Variants in CFAP20 observed in about 807,000 individuals in gnomAD.
The protein encoded by CFAP20 is cilia and flagella associated protein 20, also known as cilia- and flagella-associated protein 20.
CFAP20 carries 14 observed loss-of-function variants against 25.5 expected under a neutral mutation model. That is an observed-to-expected ratio of 0.55 (90% CI 0.36 to 0.86). The LOEUF (loss-of-function observed/expected upper bound fraction) is 0.86. Ranked by LOEUF, CFAP20 falls within the 40% of genes least tolerant of loss-of-function variation. CFAP20 has a pLI of 0.01. For synonymous variants in CFAP20, 75 were observed against 91.1 expected (o/e 0.82, Z 1.01); for missense variants, 181 against 248.0 (o/e 0.73, Z 1.81).
At chr16:58,121,374 C>G (rs934102422) in intron 1 of CFAP20, among the ~76,000 whole-genome samples, 4 of 152,196 alleles carry the variant, frequency 2.6e-5, no homozygotes, top group Non-Finnish European at 5.9e-5. Context: ...GCATTTATTG[C>G]TCATGGCGGA....
At position 58,129,184 on chromosome 16, in the gene CFAP20, A is replaced by G. The variant is rs1166027240; in HGVS notation, c.-69T>C. ...GGCCCCGGAGTAGATACAGGCACCG[A>G]GCGTCGAGGGCACAGCAGCAGGCCG... On this transcript the variant is annotated 5_prime_UTR_variant, in exon 1 of 6. Transcript: ENST00000262498. 7 of 1,542,256 alleles carry G rather than the reference A, an allele frequency of 4.5e-6. No homozygotes were observed. The East Asian group carries it at 1.6e-4, about 36-fold the overall frequency.
intron 1 of CFAP20, among the ~76,000 whole-genome samples, chr16:58,127,713 T>A (rs1261124475): frequency 6.6e-6 from 1 of 152,240 alleles, no homozygotes; most frequent in East Asian, 1.9e-4. Context: ...AGAGAAGAGA[T>A]GGGCAGATTT....
chr16:58,116,920 T>C lies in CFAP20; in HGVS notation c.116A>G (p.Asp39Gly). Residue 39 changes from aspartate to glycine, a missense_variant, in exon 2 of 6, where the codon GAT becomes GGT. Transcript: ENST00000262498. ...TAGCACCAGGGACTGGATGTCATTA[T>C]CAGTGATTCTTTTGATGTGGCCATT... ...VRNGHIKRITDNDIQSLVLEI... is the reference protein window; with the variant it reads ...VRNGHIKRITGNDIQSLVLEI... 2 of 1,614,242 alleles carry C rather than the reference T, an allele frequency of 1.2e-6. No individual in the cohort carries two copies. Among genetic ancestry groups the C allele is most frequent in the African/African-American group, 1.3e-5 (1 of 75,064 alleles).
chr16:58,123,476 G>C (rs549890323), intron 1 of CFAP20, among the ~76,000 whole-genome samples: 36 of 148,954 alleles, frequency 2.4e-4, no homozygotes, highest in African/African-American at 8.8e-4. Flanking sequence ...GGCGCCTGTA[G>C]TCCCAGCTAC....
intron 1 of CFAP20, chr16:58,118,992 C>T (rs1010401920): frequency 6.6e-6 from 1 of 152,228 alleles, no homozygotes; most frequent in Non-Finnish European, 1.5e-5. Flanking sequence ...CTCAATCACA[C>T]TGACTAAAGC....
At chr16:58,124,061 G>A (rs1960576278) in intron 1 of CFAP20, among the ~76,000 whole-genome samples, 1 of 152,162 alleles carries the variant, frequency 6.6e-6, no homozygotes, top group African/African-American at 2.4e-5. Flanking sequence ...GAAGGTGAGA[G>A]AACAGGACTT....
intron 1 of CFAP20, 36 bp from the exon 2 acceptor site, chr16:58,116,987 C>A: frequency 6.3e-7 from 1 of 1,588,452 alleles, no homozygotes; most frequent in Non-Finnish European, 8.6e-7. Flanking sequence ...ACTGAAATAT[C>A]TGACAAGGCT....
intron 1 of CFAP20, chr16:58,119,078 G>A (rs1459861054): frequency 6.6e-6 from 1 of 152,146 alleles, no homozygotes; most frequent in African/African-American, 2.4e-5. Context: ...TCAGTGTTGG[G>A]TCTGGTAGTT....
chr16:58,116,257 T>G (rs1406810804), intron 2 of CFAP20, 105 bp from the exon 3 acceptor site: 2 of 800,662 alleles, frequency 2.5e-6, no homozygotes, highest in Non-Finnish European at 3.9e-6. Flanking sequence ...AAAGCAGATC[T>G]AAAAGATTCA....
rs1044074838 is a variant in CFAP20, at chr16:58,129,025, G to A, written c.84+7C>T. ...CCACCCCGCCCCGTCGCCGCCCCTA[G>A]CCCGACCTTTTTGTCCCAGATTTGC... On this transcript the variant is annotated splice_region_variant and intron_variant, in intron 1 of 5. Transcript: ENST00000262498. The A allele has an allele frequency of 6.2e-7, 1 of 1,609,804 alleles. No individual in the cohort carries two copies. The highest frequency in any genetic ancestry group is 8.5e-7 in the Non-Finnish European group (1 of 1,177,790).
At chr16:58,119,841 G>A (rs904658021) in intron 1 of CFAP20, among the ~76,000 whole-genome samples, 14 of 140,956 alleles carry the variant, frequency 9.9e-5, no homozygotes, top group African/African-American at 3.5e-4. Context: ...CACCTCACTC[G>A]CCATCTCATG....
intron 1 of CFAP20, among the ~76,000 whole-genome samples, chr16:58,118,615 A>G (rs1960490261): frequency 6.6e-6 from 1 of 151,930 alleles, no homozygotes; most frequent in Non-Finnish European, 1.5e-5. Context: ...GAACTGCTTG[A>G]GCTCAGGAGT....
At chr16:58,124,816 G>A (rs542704003) in intron 1 of CFAP20, among the ~76,000 whole-genome samples, 100 of 152,118 alleles carry the variant, frequency 6.6e-4, no homozygotes, top group Non-Finnish European at 1.5e-4. Context: ...ATTTTATTTA[G>A]TTATTTAGTT....
intron 1 of CFAP20, among the ~76,000 whole-genome samples, chr16:58,126,813 A>C (rs1960619699): frequency 6.6e-6 from 1 of 152,370 alleles, no homozygotes; most frequent in Middle Eastern, 3.4e-3. Context: ...TTGAATTTCC[A>C]GCACTTTATG....
At chr16:58,118,512 G>C (rs59705052) in intron 1 of CFAP20, among the ~76,000 whole-genome samples, 1 of 121,090 alleles carries the variant, frequency 8.3e-6, no homozygotes, top group Admixed American at 8.9e-5. Flanking sequence ...AACAAAAAAC[G>C]AAAAAAAAAA....
chr16:58,118,040 A>G (rs1270571544), intron 1 of CFAP20, among the ~76,000 whole-genome samples: 1 of 152,186 alleles, frequency 6.6e-6, no homozygotes, highest in Non-Finnish European at 1.5e-5. Context: ...TGTTTGCTGC[A>G]TATGTAGGAG....
intron 1 of CFAP20, 52 bp downstream of exon 1, chr16:58,128,980 G>T: frequency 6.5e-7 from 1 of 1,527,956 alleles, no homozygotes. Flanking sequence ...GCCCCCGGAC[G>T]AGGAGGGGGT....
intron 2 of CFAP20, among the ~76,000 whole-genome samples, chr16:58,116,376 C>G (rs1391638966): frequency 2.0e-5 from 3 of 152,188 alleles, no homozygotes; most frequent in Non-Finnish European, 4.4e-5. Flanking sequence ...AATAAAATAT[C>G]TGAAAAACAA....
At chr16:58,125,179 C>T (rs569577986) in intron 1 of CFAP20, among the ~76,000 whole-genome samples, 1 of 152,202 alleles carries the variant, frequency 6.6e-6, no homozygotes, top group Admixed American at 6.5e-5. Flanking sequence ...CACATGAGCC[C>T]AGGCCCGCAC....
Sources: allele counts gnomAD v4.1 joint callset (sites outside exome capture counted in the v4.1 genomes callset), GRCh38; gene constraint gnomAD v4.1.1; transcripts MANE v1.5; gene names NCBI Gene and HGNC (gene_info 2026-07-23, HGNC 2026-07-21).